FOXJ2: variants seen among roughly 807,000 people sequenced by gnomAD.
FOXJ2 encodes the protein forkhead box protein J2.
Under a neutral mutation model 68.4 loss-of-function variants are expected in FOXJ2, and 18 were observed. That is an observed-to-expected ratio of 0.26 (90% confidence interval 0.18 to 0.39). The LOEUF (loss-of-function observed/expected upper bound fraction) is 0.39. Among genes scored for constraint, FOXJ2 ranks in the 10% least tolerant of loss-of-function variants. The pLI is 1.00. For synonymous variants in FOXJ2, 274 were observed against 263.2 expected (o/e 1.04, Z -0.40); for missense variants, 670 against 726.5 (o/e 0.92, Z 0.89).
chr12:8,052,917 C>A lies in FOXJ2; in HGVS notation c.*67C>A. 2.4e-6 allele frequency: 3 copies of A among 1,250,504 alleles called. No homozygotes were observed. The highest frequency in any genetic ancestry group is 2.5e-5 in the East Asian group (1 of 39,888). 77.5% of individuals were successfully genotyped at this position (1,250,504 alleles called of 1,614,324 possible). On this transcript the variant is annotated 3_prime_UTR_variant, in exon 11 of 11. Coordinates refer to ENST00000162391, the MANE Select transcript of FOXJ2 (RefSeq NM_018416.3). Reference sequence around the variant, plus strand: ...AAATCTGGCAGTGGGGAAAGAGCAACCCCAGCCCGTCCCTTCCCCCCGTCT... The same window carrying A: ...AAATCTGGCAGTGGGGAAAGAGCAAACCCAGCCCGTCCCTTCCCCCCGTCT...
rs757346638 is a variant in FOXJ2, at chr12:8,044,801, T to C, written c.660T>C (p.Ala220=). ...ATGGTGGAGCAGTGGCAGCAGGGGC[T>C]TCAGGCCGAGAAAGTGCTGAGGGTC... ...SVDGGAVAAG[A]SGRESAEGPP... is the part of the protein sequence containing the mutation. Residue 220 remains alanine (A), a synonymous_variant, in exon 6 of 11, where the codon GCT becomes GCC. Coordinates refer to ENST00000162391, the MANE Select transcript of FOXJ2 (RefSeq NM_018416.3). The C allele has an allele frequency of 6.2e-7, 1 of 1,613,964 alleles. No individual in the cohort carries two copies. Among genetic ancestry groups the C allele is most frequent in the South Asian group, 1.1e-5 (1 of 91,076 alleles).
intron 3 of FOXJ2, 88 bp from the exon 4 acceptor site, chr12:8,043,613 A>G: frequency 7.4e-7 from 1 of 1,344,786 alleles, no homozygotes; most frequent in Non-Finnish European, 1.1e-6. Flanking sequence ...AGTTTCTAGG[A>G]CAAATTTGCT....
chr12:8,052,933 C>T lies in FOXJ2; in HGVS notation c.*83C>T, dbSNP rs903772344. 7.7e-6 allele frequency: 8 copies of T among 1,043,256 alleles called. No individual in the cohort carries two copies. The highest frequency in any genetic ancestry group is 1.2e-5 in the Non-Finnish European group (8 of 689,560). The allele number at this position is 1,043,256 out of a possible 1,614,324, so 64.6% of individuals were successfully genotyped here. On this transcript the variant is annotated 3_prime_UTR_variant, in exon 11 of 11. Transcript: ENST00000162391. The stretch of plus-strand genomic sequence containing the variant: ...AAAGAGCAACCCCAGCCCGTCCCTT[C>T]CCCCCGTCTGTATATAGACATATAT...
chr12:8,045,287 C>T (rs988064290), intron 6 of FOXJ2, among the ~76,000 whole-genome samples: 2 of 148,882 alleles, frequency 1.3e-5, no homozygotes, highest in Non-Finnish European at 3.0e-5. Flanking sequence ...GGCGCAATCT[C>T]GGCTCACTGC....
intron 7 of FOXJ2, 40 bp downstream of exon 7, chr12:8,048,329 G>C: frequency 6.6e-7 from 1 of 1,512,390 alleles, no homozygotes; most frequent in Middle Eastern, 1.8e-4. Context: ...AGGAGGGTGG[G>C]GTGATGTCCT....
At position 8,048,709 on chromosome 12, in the gene FOXJ2, A is replaced by C. The variant is rs1369997360; in HGVS notation, c.1238A>C (p.Asp413Ala). Reference protein sequence around the residue: ...INNTGFAFPSDWCSNIDSLKE... With the variant: ...INNTGFAFPSAWCSNIDSLKE... ...CTCCTCTTTACAGCCTTTCCTTCTG[A>C]CTGGTGCTCTAATATTGACTCTTTA... The change falls in exon 8 of 11, where the codon GAC becomes GCC. Residue 413 changes from aspartate (D) to alanine (A), a missense_variant. Physicochemically the swap from Asp to Ala is moderately radical, Grantham distance 126. Around this residue, in one of 2 missense-constraint regions of FOXJ2, gnomAD observed 555 missense variants for 562.2 expected, o/e 0.99. Coordinates refer to ENST00000162391, the MANE Select transcript of FOXJ2 (RefSeq NM_018416.3). 2 of 1,614,014 alleles carry C rather than the reference A, an allele frequency of 1.2e-6. No individual in the cohort carries two copies. The highest frequency in any genetic ancestry group is 1.7e-6 in the Non-Finnish European group (2 of 1,179,966).
rs1413411231 is a variant in FOXJ2, at chr12:8,048,873, G to T, written c.1327+75G>T. ...CCCAGTAGAAACTGGAACCGGAAGG[G>T]GGTGGTTAAATGAAGTTGCAGAAAT... On this transcript the variant is annotated intron_variant, in intron 8 of 10. Coordinates refer to ENST00000162391, the MANE Select transcript of FOXJ2 (RefSeq NM_018416.3). 3.3e-5 allele frequency: 41 copies of T among 1,233,928 alleles called. No homozygotes were observed. The South Asian group carries it at 4.9e-4, about 15-fold the overall frequency. The allele number at this position is 1,233,928 out of a possible 1,614,324, so 76.4% of individuals were successfully genotyped here.
chr12:8,043,833 T>C, intron 4 of FOXJ2, 64 bp downstream of exon 4: 7 of 1,611,444 alleles, frequency 4.3e-6, no homozygotes, highest in East Asian at 4.5e-5. Context: ...CCTCCTCTTA[T>C]GGACGTTCAG....
At chr12:8,049,323 C>T (rs1006474175) in intron 8 of FOXJ2, 39 bp from the exon 9 acceptor site, 5 of 1,558,676 alleles carry the variant, frequency 3.2e-6, no homozygotes, top group Non-Finnish European at 4.4e-6. Context: ...GGGCTTCCTA[C>T]CTCTGCAAGG....
chr12:8,053,132 C>A lies in FOXJ2; in HGVS notation c.*282C>A. The A allele has an allele frequency of 6.4e-6, 1 of 156,164 alleles. No individual in the cohort carries two copies. The allele number at this position is 156,164 out of a possible 1,614,324, so 9.7% of individuals were successfully genotyped here. ...TATATACTGTCCATAGTCTCCTGTCCCTACATCATGGATCATGTCCACCTT... is the reference window on the plus strand; with the variant it reads ...TATATACTGTCCATAGTCTCCTGTCACTACATCATGGATCATGTCCACCTT... On this transcript the variant is annotated 3_prime_UTR_variant, in exon 11 of 11. Coordinates refer to ENST00000162391, the MANE Select transcript of FOXJ2 (RefSeq NM_018416.3). The surrounding 1 kb of genome is among the most constrained non-coding windows in gnomAD (Gnocchi z 4.1).
chr12:8,046,765 A>C (rs1446036023), intron 6 of FOXJ2, among the ~76,000 whole-genome samples: 2 of 152,216 alleles, frequency 1.3e-5, no homozygotes, highest in African/African-American at 4.8e-5. Flanking sequence ...TGTTGGCAGC[A>C]GGGGCTGAAT....
intron 1 of FOXJ2, among the ~76,000 whole-genome samples, chr12:8,036,957 C>T (rs1221043612): frequency 2.0e-5 from 3 of 152,070 alleles, no homozygotes; most frequent in Non-Finnish European, 1.5e-5. Context: ...GGTGTGGTGG[C>T]GTGTGCCTAT....
Position 8,049,566 on chromosome 12 carries a change from G to C in FOXJ2, c.1532G>C (p.Ser511Thr). The change falls in exon 9 of 11, where the codon AGC becomes ACC. Residue 511 changes from serine to threonine, a missense_variant. Coordinates refer to ENST00000162391, the MANE Select transcript of FOXJ2 (RefSeq NM_018416.3). Reference sequence around the variant, plus strand: ...AGTGGCAAACAGGAGTCAGCCATGAGCCAAGGTACTGCACCAAGCCAGTTG... The same window carrying C: ...AGTGGCAAACAGGAGTCAGCCATGACCCAAGGTACTGCACCAAGCCAGTTG... ...LTSGKQESAMSQVNSYGHPQA... is the reference protein window; with the variant it reads ...LTSGKQESAMTQVNSYGHPQA... 6.3e-7 allele frequency: 1 copy of C among 1,599,296 alleles called. No individual in the cohort carries two copies. The highest frequency in any genetic ancestry group is 8.5e-7 in the Non-Finnish European group (1 of 1,169,640).
Position 8,049,581 on chromosome 12 carries a change from C to G in FOXJ2, c.1537+10C>G, listed in dbSNP as rs750454895. 1.3e-6 allele frequency: 2 copies of G among 1,554,538 alleles called. No individual in the cohort carries two copies. Among genetic ancestry groups the G allele is most frequent in the South Asian group, 1.2e-5 (1 of 85,012 alleles). ...TCAGCCATGAGCCAAGGTACTGCAC[C>G]AAGCCAGTTGCCATGGAGGTGGAGA... is the stretch of plus-strand genomic sequence containing the variant. On this transcript the variant is annotated intron_variant, in intron 9 of 10. Transcript: ENST00000162391.
At chr12:8,051,313 A>G (rs968945994) in intron 10 of FOXJ2, among the ~76,000 whole-genome samples, 9 of 151,932 alleles carry the variant, frequency 5.9e-5, no homozygotes, top group Non-Finnish European at 8.8e-5. Context: ...TATTTTTAGT[A>G]GAGACGGGGT....
chr12:8,041,187 C>CTTTCT (rs545220060), intron 2 of FOXJ2, among the ~76,000 whole-genome samples: 51 of 151,596 alleles, frequency 3.4e-4, no homozygotes, highest in African/African-American at 1.2e-3. Flanking sequence ...AAGCACTCAG[C>CTTTCT]TTTCTTTTCT....
chr12:8,052,867 G>C lies in FOXJ2; in HGVS notation c.*17G>C. The C allele has an allele frequency of 6.3e-7, 1 of 1,592,920 alleles. No individual in the cohort carries two copies. Among genetic ancestry groups the C allele is most frequent in the Non-Finnish European group, 8.6e-7 (1 of 1,166,562 alleles). Reference sequence around the variant, plus strand: ...ATCACTTAGTGCATCACAGAGTGTGGACATCAGCCCAGGGCCGCGTGGTGA... The same window carrying C: ...ATCACTTAGTGCATCACAGAGTGTGCACATCAGCCCAGGGCCGCGTGGTGA... On this transcript the variant is annotated 3_prime_UTR_variant, in exon 11 of 11. Coordinates refer to ENST00000162391, the MANE Select transcript of FOXJ2 (RefSeq NM_018416.3).
chr12:8,052,017 C>T (rs1250088990), intron 10 of FOXJ2, among the ~76,000 whole-genome samples: 1 of 151,200 alleles, frequency 6.6e-6, no homozygotes, highest in Non-Finnish European at 1.5e-5. Context: ...CACAGGCGCC[C>T]GCCACTGTGC....
rs1215741124 is a variant in FOXJ2, at chr12:8,040,620, G to A, written c.333+455G>A. Among the ~76,000 whole-genome samples, 4 of 151,732 alleles carry A rather than the reference G, an allele frequency of 2.6e-5. No homozygotes were observed. The highest frequency in any genetic ancestry group is 1.5e-5 in the Non-Finnish European group (1 of 67,922). Reference sequence around the variant, plus strand: ...GTATTTTTAGTAGAGATAGGGTTTCGCTATGTTGGCCAGGCTGGTCTCGAA... The same window carrying A: ...GTATTTTTAGTAGAGATAGGGTTTCACTATGTTGGCCAGGCTGGTCTCGAA... On this transcript the variant is annotated intron_variant, in intron 2 of 10. Coordinates refer to ENST00000162391, the MANE Select transcript of FOXJ2 (RefSeq NM_018416.3). The surrounding 1 kb of genome is among the most constrained non-coding windows in gnomAD (Gnocchi z 4.0).
Sources: gnomAD v4.1 joint callset for allele counts (sites outside exome capture counted in the v4.1 genomes callset) on GRCh38, gnomAD v4.1.1 for gene constraint, gnomAD v4.1.1 regional missense constraint, Gnocchi (gnomAD v3.1) non-coding constraint, MANE v1.5 for transcripts, NCBI Gene and HGNC (gene_info 2026-07-23, HGNC 2026-07-21) for gene names.